FOXN3: variants seen among roughly 807,000 people sequenced by gnomAD.
FOXN3 encodes the protein forkhead box N3.
A neutral mutation model predicts 38.4 loss-of-function variants in FOXN3; 7 were observed. That is an observed-to-expected ratio of 0.18 (90% confidence interval 0.10 to 0.34). FOXN3 has a LOEUF of 0.34. Among genes scored for constraint, FOXN3 ranks in the 10% least tolerant of loss-of-function variants. FOXN3 has a pLI of 1.00. For synonymous variants in FOXN3, 230 were observed against 242.2 expected (o/e 0.95, Z 0.47); for missense variants, 456 against 613.4 (o/e 0.74, Z 2.71).
chr14:89,275,792 C>A (rs1886281650), intron 4 of FOXN3, among the ~76,000 whole-genome samples: 1 of 152,206 alleles, frequency 6.6e-6, no homozygotes, highest in Non-Finnish European at 1.5e-5. Flanking sequence ...GCACATTCTA[C>A]GGACTGCGTG....
At chr14:89,497,535 T>C (rs142605798) in intron 1 of FOXN3, among the ~76,000 whole-genome samples, 232 of 151,538 alleles carry the variant, frequency 1.5e-3, no homozygotes, top group African/African-American at 5.3e-3. Context: ...GCCTCCCCAG[T>C]AGCTAGGATT....
At chr14:89,279,279 C>G (rs888146542) in intron 4 of FOXN3, among the ~76,000 whole-genome samples, 5 of 152,058 alleles carry the variant, frequency 3.3e-5, no homozygotes. Flanking sequence ...ATTTGTAACC[C>G]TATCAGGAAG....
At chr14:89,416,278 G>C (rs1346726876) in intron 1 of FOXN3, among the ~76,000 whole-genome samples, 6 of 152,210 alleles carry the variant, frequency 3.9e-5, no homozygotes, top group Non-Finnish European at 8.8e-5. Context: ...CCCATATACA[G>C]GGCAATTGGG....
chr14:89,453,521 T>C (rs377567036), intron 1 of FOXN3, among the ~76,000 whole-genome samples: 12 of 134,822 alleles, frequency 8.9e-5, no homozygotes, highest in Non-Finnish European at 1.5e-4. Context: ...GATCACGCCA[T>C]TGCACTCCAG....
chr14:89,607,507 C>T (rs80102159), intron 1 of FOXN3, among the ~76,000 whole-genome samples: 1 of 150,864 alleles, frequency 6.6e-6, no homozygotes, highest in African/African-American at 2.4e-5. Context: ...TGCAATCAGC[C>T]GAGATTACCC....
intron 2 of FOXN3, among the ~76,000 whole-genome samples, chr14:89,399,379 A>C (rs1891187916): frequency 6.6e-6 from 1 of 152,170 alleles, no homozygotes; most frequent in Non-Finnish European, 1.5e-5. Context: ...TCCTCAGAGA[A>C]AGGCAGAGAT....
chr14:89,536,809 TA>T (rs1489879938), intron 1 of FOXN3, among the ~76,000 whole-genome samples: 3 of 151,914 alleles, frequency 2.0e-5, no homozygotes, highest in African/African-American at 7.3e-5. Context: ...AAAAGATTTT[TA>T]AAAAAAGATT....
intron 1 of FOXN3, among the ~76,000 whole-genome samples, chr14:89,442,374 T>C (rs1427514776): frequency 1.3e-5 from 2 of 152,218 alleles, no homozygotes; most frequent in South Asian, 2.1e-4. Context: ...CACCTGTGTC[T>C]GAACTTAGTT....
intron 5 of FOXN3, among the ~76,000 whole-genome samples, chr14:89,165,323 T>G (rs1250912308): frequency 6.6e-6 from 1 of 152,216 alleles, no homozygotes; most frequent in Non-Finnish European, 1.5e-5. Context: ...TGGGGCTGCG[T>G]GAGGATTAAA....
chr14:89,569,215 A>G (rs1230184549), intron 1 of FOXN3, among the ~76,000 whole-genome samples: 1 of 151,702 alleles, frequency 6.6e-6, no homozygotes, highest in Non-Finnish European at 1.5e-5. Flanking sequence ...AAAGAAAAAG[A>G]AAGGTGCCAT....
rs139701236 is a variant in FOXN3 at position 89,339,450 on chromosome 14, T to C, written c.680+11222A>G. Among the ~76,000 whole-genome samples the C allele has an allele frequency of 9.3e-3, 1,413 of 152,266 alleles. 18 individuals are homozygous for C. Among genetic ancestry groups the C allele is most frequent in the Middle Eastern group, 0.031 (9 of 294 alleles). On this transcript the variant is annotated intron_variant, in intron 3 of 5. Coordinates refer to ENST00000557258, the MANE Select transcript of FOXN3 (RefSeq NM_005197.4). ...GAGCCTGCTGCGACATTGGCCAACC[T>C]GCAGGAGCTGGGAGGAAGCATGGAG...
chr14:89,588,841 G>GA (rs1381008491), intron 1 of FOXN3, among the ~76,000 whole-genome samples: 1 of 152,184 alleles, frequency 6.6e-6, no homozygotes, highest in Admixed American at 6.5e-5. Context: ...ACGCTCCTCT[G>GA]AAAAACAATG....
chr14:89,214,502 C>T (rs939117934), intron 4 of FOXN3, among the ~76,000 whole-genome samples: 2 of 152,216 alleles, frequency 1.3e-5, no homozygotes, highest in Admixed American at 6.5e-5. Context: ...GAATCAGGAA[C>T]CTGCCTATTT....
chr14:89,211,858 T>C (rs1884102287), intron 4 of FOXN3, among the ~76,000 whole-genome samples: 1 of 152,356 alleles, frequency 6.6e-6, no homozygotes, highest in African/African-American at 2.4e-5. Flanking sequence ...TGAATGTTTA[T>C]GTCTCCCTAA....
At chr14:89,503,067 G>A (rs1329986434) in intron 1 of FOXN3, among the ~76,000 whole-genome samples, 1 of 152,074 alleles carries the variant, frequency 6.6e-6, no homozygotes, top group Non-Finnish European at 1.5e-5. Context: ...AAAAGGAATC[G>A]GATCATTTCT....
intron 1 of FOXN3, among the ~76,000 whole-genome samples, chr14:89,589,544 G>A (rs551642466): frequency 9.3e-4 from 142 of 152,184 alleles, no homozygotes; most frequent in African/African-American, 3.3e-3. Flanking sequence ...TGCATAAGGG[G>A]AAGAAGAAGA....
intron 4 of FOXN3, among the ~76,000 whole-genome samples, chr14:89,261,578 G>C (rs1353443852): frequency 6.6e-6 from 1 of 152,180 alleles, no homozygotes; most frequent in African/African-American, 2.4e-5. Context: ...TGGATTGCCT[G>C]AAGTCAGGAG....
intron 2 of FOXN3, among the ~76,000 whole-genome samples, chr14:89,411,064 C>G (rs548007128): frequency 1.3e-5 from 2 of 152,280 alleles, no homozygotes; most frequent in Admixed American, 1.3e-4. Flanking sequence ...AGCATTGCCA[C>G]CTGAGCTCCA....
chr14:89,588,366 A>G (rs1264289533), intron 1 of FOXN3, among the ~76,000 whole-genome samples: 1 of 152,156 alleles, frequency 6.6e-6, no homozygotes, highest in Non-Finnish European at 1.5e-5. Context: ...GCAATGCAAG[A>G]ATCACCTAAT....
Sources: allele counts gnomAD v4.1 joint callset (sites outside exome capture counted in the v4.1 genomes callset), GRCh38; gene constraint gnomAD v4.1.1; transcripts MANE v1.5; gene names NCBI Gene and HGNC (gene_info 2026-07-23, HGNC 2026-07-21).